Variants in NAALADL2 observed in about 807,000 individuals in gnomAD.
The protein encoded by NAALADL2 is N-acetylated alpha-linked acidic dipeptidase like 2.
Under a neutral mutation model 87.2 loss-of-function variants are expected in NAALADL2, and 76 were observed. The observed-to-expected ratio is 0.87, with a 90% CI of 0.72 to 1.05. The LOEUF is 1.05. Among genes scored for constraint, NAALADL2 ranks in the 50% least tolerant of loss-of-function variants. The pLI is 0.00. For missense variants in NAALADL2, 1,089 were observed against 945.8 expected, an observed-to-expected ratio of 1.15 and a Z score of -1.99; for synonymous variants, 354 against 331.0, an observed-to-expected ratio of 1.07 and a Z score of -0.75.
chr3:174,873,422 G>A (rs1343707656), intron 1 of NAALADL2, among the ~76,000 whole-genome samples: 1 of 151,706 alleles, frequency 6.6e-6, no homozygotes, highest in African/African-American at 2.4e-5. Context: ...GCCCAGCTAT[G>A]TTTTATATTC....
intron 5 of NAALADL2, among the ~76,000 whole-genome samples, chr3:175,418,216 T>C (rs1715014417): frequency 6.6e-6 from 1 of 152,190 alleles, no homozygotes. Context: ...AGATTACATT[T>C]GTTTCTGTCT....
chr3:175,030,111 C>T (rs1195666539), intron 1 of NAALADL2, among the ~76,000 whole-genome samples: 1 of 152,068 alleles, frequency 6.6e-6, no homozygotes, highest in Non-Finnish European at 1.5e-5. Context: ...TTAGAAACTG[C>T]CAGACAGTCT....
chr3:174,630,125 A>C (rs1721965354), intron 2 of NAALADL2, among the ~76,000 whole-genome samples: 1 of 152,168 alleles, frequency 6.6e-6, no homozygotes, highest in Non-Finnish European at 1.5e-5. Flanking sequence ...TAAACTGCAT[A>C]TTTCTGAAAC....
chr3:175,801,758 T>G (rs1221874733), intron 13 of NAALADL2, among the ~76,000 whole-genome samples: 1 of 152,148 alleles, frequency 6.6e-6, no homozygotes, highest in African/African-American at 2.4e-5. Context: ...AGATTTCAGC[T>G]AGTTTGGGTT....
At chr3:175,121,733 G>T (rs994645162) in intron 2 of NAALADL2, among the ~76,000 whole-genome samples, 1 of 151,814 alleles carries the variant, frequency 6.6e-6, no homozygotes. Context: ...ATTCCACAGA[G>T]CACAGAGCCA....
At chr3:174,855,234 A>G (rs1455927075), upstream of NAALADL2, among the ~76,000 whole-genome samples, 2 of 152,108 alleles carry the variant, frequency 1.3e-5, no homozygotes, top group Non-Finnish European at 2.9e-5. Flanking sequence ...AGACATTTTG[A>G]CAGCTATGAT....
At chr3:174,722,946 C>T (rs1004992021) in intron 2 of NAALADL2, among the ~76,000 whole-genome samples, 1 of 152,046 alleles carries the variant, frequency 6.6e-6, no homozygotes, top group African/African-American at 2.4e-5. Flanking sequence ...TAGCAGATAC[C>T]ATCTTTTTTA....
chr3:175,447,990 A>G (rs931579843), intron 6 of NAALADL2, among the ~76,000 whole-genome samples: 1 of 152,134 alleles, frequency 6.6e-6, no homozygotes, highest in Non-Finnish European at 1.5e-5. Context: ...TCTCTTTACA[A>G]TTTGTTAAAT....
chr3:175,350,441 G>T (rs1340354283), intron 5 of NAALADL2, among the ~76,000 whole-genome samples: 1 of 152,136 alleles, frequency 6.6e-6, no homozygotes, highest in Non-Finnish European at 1.5e-5. Flanking sequence ...GGTGTGTTCA[G>T]AATGCACATG....
intron 10 of NAALADL2, among the ~76,000 whole-genome samples, chr3:175,604,124 A>G (rs1723336341): frequency 6.6e-6 from 1 of 152,058 alleles, no homozygotes; most frequent in African/African-American, 2.4e-5. Flanking sequence ...CTTCCATACT[A>G]TTTTTAATAA....
At chr3:174,956,155 G>T (rs750592414) in intron 1 of NAALADL2, among the ~76,000 whole-genome samples, 1 of 151,956 alleles carries the variant, frequency 6.6e-6, no homozygotes, top group African/African-American at 2.4e-5. Context: ...GAAGTCAGTT[G>T]CAGAAGATCA....
intron 11 of NAALADL2, among the ~76,000 whole-genome samples, chr3:175,695,963 T>G (rs147769213): frequency 6.6e-6 from 1 of 152,170 alleles, no homozygotes; most frequent in Admixed American, 6.6e-5. Context: ...TCACTGGGTA[T>G]GCAAAATAGA....
At chr3:175,059,676 T>C in intron 1 of NAALADL2, 1 of 337,232 alleles carries the variant, frequency 3.0e-6, no homozygotes, top group Non-Finnish European at 5.6e-6. Context: ...CATTCTTCCA[T>C]TAACCTCTTT....
chr3:175,141,606 A>G (rs930429438), intron 2 of NAALADL2, among the ~76,000 whole-genome samples: 2 of 152,134 alleles, frequency 1.3e-5, no homozygotes, highest in East Asian at 1.9e-4. Flanking sequence ...TACATATTTC[A>G]TAAGAAAGTA....
chr3:175,425,509 A>G (rs1990843), intron 5 of NAALADL2, among the ~76,000 whole-genome samples: 28,286 of 152,074 alleles, frequency 0.19, 3,695 homozygotes, highest in African/African-American at 0.36. Context: ...CAGGACAAAC[A>G]TCTGCCATAA....
rs550412555 is a variant in NAALADL2, at chr3:174,799,992, T to C, written c.-9+62246T>C. ...AACTTTGAACTTCAGAGAGATGATA[T>C]AGGGTATCTGGCAGAAGAAATTTCT... On this transcript the variant is annotated intron_variant, in intron 3 of 3. Coordinates refer to the NAALADL2 transcript ENST00000434257. 4.2e-3 allele frequency among the ~76,000 whole-genome samples: 634 copies of C among 151,476 alleles called. 5 individuals carry two copies. Among genetic ancestry groups the C allele is most frequent in the African/African-American group, 0.015 (613 of 41,246 alleles).
At chr3:174,942,742 TA>T (rs1738811669) in intron 1 of NAALADL2, among the ~76,000 whole-genome samples, 1 of 152,212 alleles carries the variant, frequency 6.6e-6, no homozygotes, top group African/African-American at 2.4e-5. Context: ...GTTTTATTAT[TA>T]TTTTTTCCTT....
chr3:174,741,954 G>A lies in NAALADL2; in HGVS notation c.-9+4208G>A, dbSNP rs111788075. On this transcript the variant is annotated intron_variant, in intron 3 of 3. Transcript: ENST00000434257. The stretch of plus-strand genomic sequence containing the variant: ...ATGGAATGCATTTTATACTTTTTGC[G>A]TATGCACTGCCTTCTTGTCCTTGGA... 1.0e-2 allele frequency among the ~76,000 whole-genome samples: 1,509 copies of A among 151,578 alleles called. 17 individuals carry two copies. Among genetic ancestry groups the A allele is most frequent in the Middle Eastern group, 0.037 (11 of 294 alleles).
intron 2 of NAALADL2, among the ~76,000 whole-genome samples, chr3:175,184,634 G>C (rs998008518): frequency 6.6e-6 from 1 of 151,900 alleles, no homozygotes; most frequent in African/African-American, 2.4e-5. Flanking sequence ...CCTCTTTGTA[G>C]TGCTTTATAG....
Sources: gnomAD v4.1 joint callset for allele counts (sites outside exome capture counted in the v4.1 genomes callset) on GRCh38, gnomAD v4.1.1 for gene constraint, MANE v1.5 for transcripts, NCBI Gene and HGNC (gene_info 2026-07-23, HGNC 2026-07-21) for gene names.